The following XPNPEP1 variants were observed in gnomAD, a reference collection of about 807,000 sequenced individuals.
The protein encoded by XPNPEP1 is xaa-Pro aminopeptidase 1.
A neutral mutation model predicts 92.4 loss-of-function variants in XPNPEP1; 39 were observed. That is an observed-to-expected ratio of 0.42 (90% CI 0.33 to 0.55). XPNPEP1 has a LOEUF of 0.55. Ranked by LOEUF, XPNPEP1 falls within the 20% of genes least tolerant of loss-of-function variation. The probability of loss-of-function intolerance (pLI) is 0.08; values close to 1 mark genes in which losing one functional copy is unlikely to be tolerated. For missense variants in XPNPEP1, 654 were observed against 856.1 expected (o/e 0.76, Z 2.95); for synonymous variants, 307 against 299.4 (o/e 1.03, Z -0.26).
chr10:109,876,493 TTAA>T (rs1426385310), intron 14 of XPNPEP1: 1 of 152,224 alleles, frequency 6.6e-6, no homozygotes, highest in East Asian at 1.9e-4. Flanking sequence ...ATGAAACTGT[TTAA>T]TGTTTTAATT....
In XPNPEP1 at chr10:109,891,739, C is replaced by T; in HGVS notation, c.398G>A (p.Trp133Ter). 1 of 1,586,352 alleles carries T rather than the reference C, an allele frequency of 6.3e-7. No homozygotes were observed. The highest frequency in any genetic ancestry group is 8.5e-7 in the Non-Finnish European group (1 of 1,170,752). Residue 133 changes from tryptophan to a stop codon, truncating the protein, a stop_gained, in exon 5 of 21, where the codon TGG (tryptophan) becomes TAG (stop). Coordinates refer to ENST00000502935, the MANE Select transcript of XPNPEP1 (RefSeq NM_020383.4). LOFTEE classifies it high-confidence loss of function. ...LQAAKQMDSN[W>*]TLMKMGLKDT... ...GTACCCACCCATCTTCATAAGTGTC[C>T]AGTTGCTGTCCATTTGCTTGGCAGC... is the stretch of plus-strand genomic sequence containing the variant.
intron 9 of XPNPEP1, 61 bp from the exon 10 acceptor site, chr10:109,882,703 C>T (rs1483690295): frequency 6.5e-7 from 1 of 1,548,300 alleles, no homozygotes; most frequent in Non-Finnish European, 8.9e-7. Context: ...GAGGTGGCAA[C>T]ACAGACACAC....
At chr10:109,908,393 G>C (rs746003352) in intron 2 of XPNPEP1, among the ~76,000 whole-genome samples, 1 of 151,898 alleles carries the variant, frequency 6.6e-6, no homozygotes, top group Admixed American at 6.6e-5. Flanking sequence ...TCACAAGGTC[G>C]GGAGATCGAG....
At chr10:109,876,573 C>T (rs1010674945) in intron 14 of XPNPEP1, 2 of 152,156 alleles carry the variant, frequency 1.3e-5, no homozygotes, top group East Asian at 1.9e-4. Flanking sequence ...AACTGAAGTC[C>T]CTCTGATATT....
intron 2 of XPNPEP1, among the ~76,000 whole-genome samples, chr10:109,909,164 A>G (rs554187442): frequency 8.1e-4 from 124 of 152,168 alleles, no homozygotes; most frequent in Admixed American, 2.6e-3. Flanking sequence ...CCAGCTACTC[A>G]GGAGGCTGAG....
intron 16 of XPNPEP1, 93 bp from the exon 17 acceptor site, chr10:109,871,954 T>A (rs1847508695): frequency 1.6e-6 from 2 of 1,247,370 alleles, no homozygotes; most frequent in South Asian, 1.4e-5. Flanking sequence ...CCTGCTAAAG[T>A]TTTTAGCAAT....
chr10:109,909,350 T>G (rs941753138), intron 2 of XPNPEP1, among the ~76,000 whole-genome samples: 1 of 151,564 alleles, frequency 6.6e-6, no homozygotes, highest in Non-Finnish European at 1.5e-5. Context: ...TCCAGGGGAG[T>G]CTACCATTCA....
intron 12 of XPNPEP1, 50 bp from the exon 13 acceptor site, chr10:109,878,108 C>T: frequency 6.2e-7 from 1 of 1,605,772 alleles, no homozygotes; most frequent in Non-Finnish European, 8.5e-7. Flanking sequence ...TTCATGTGTG[C>T]CTCTTACAAA....
intron 8 of XPNPEP1, chr10:109,884,570 T>G (rs1457788763): frequency 1.3e-5 from 2 of 154,772 alleles, no homozygotes; most frequent in African/African-American, 4.8e-5. Context: ...GTAGAAAAAC[T>G]GAGACCCTCC....
In XPNPEP1 at chr10:109,880,901, T is replaced by TG. The variant is rs780666221; in HGVS notation, c.1071dup (p.Ile358HisfsTer12). 1 of 1,613,964 alleles carries TG rather than the reference T, an allele frequency of 6.2e-7. No individual in the cohort carries two copies. Among genetic ancestry groups the TG allele is most frequent in the East Asian group, 2.2e-5 (1 of 44,874 alleles). ...TTCTTCACAGCTTTGGCGATGCAGA[T>TG]GGGGGTGTAAGGCATACAGCAGCGG... is the stretch of plus-strand genomic sequence containing the variant. On this transcript the variant is annotated frameshift_variant, in exon 11 of 21. Transcript: ENST00000502935. LOFTEE classifies it high-confidence loss of function.
At chr10:109,919,760 G>A (rs574045268) in intron 1 of XPNPEP1, among the ~76,000 whole-genome samples, 3 of 152,152 alleles carry the variant, frequency 2.0e-5, no homozygotes, top group Admixed American at 6.5e-5. Flanking sequence ...CACGCCAGGC[G>A]CGGTAGCTCA....
Position 109,907,776 on chromosome 10 carries a change from C to T in XPNPEP1, c.161G>A (p.Arg54Gln), listed in dbSNP as rs373235364. Residue 54 changes from arginine to glutamine, a missense_variant, in exon 3 of 21, where the codon CGG (arginine) becomes CAG (glutamine). Transcript: ENST00000502935. ...GTTCCTCATGGCTTGTCTCAGCTGCCGAAGCAGCTCTGAAGTCACCTTTGG... is the reference window on the plus strand; with the variant it reads ...GTTCCTCATGGCTTGTCTCAGCTGCTGAAGCAGCTCTGAAGTCACCTTTGG... The part of the protein sequence containing the change: ...MPPKVTSELL[R>Q]QLRQAMRNSE... 1.7e-5 allele frequency: 28 copies of T among 1,614,080 alleles called. No homozygotes were observed. In the African/African-American group the frequency reaches 2.8e-4, roughly 16 times the overall value.
At chr10:109,897,692 C>T (rs987512346) in intron 3 of XPNPEP1, among the ~76,000 whole-genome samples, 2 of 150,592 alleles carry the variant, frequency 1.3e-5, no homozygotes, top group Admixed American at 6.6e-5. Context: ...CTTGCTTTGT[C>T]GCCTGGGCTG....
At chr10:109,873,164 T>C (rs538044045) in intron 16 of XPNPEP1, among the ~76,000 whole-genome samples, 22 of 152,360 alleles carry the variant, frequency 1.4e-4, no homozygotes, top group African/African-American at 4.8e-4. Flanking sequence ...CTTAGCAGAA[T>C]GCTTTAAAAA....
chr10:109,878,852 G>A (rs1406628059), intron 12 of XPNPEP1, among the ~76,000 whole-genome samples: 1 of 151,194 alleles, frequency 6.6e-6, no homozygotes, highest in African/African-American at 2.4e-5. Context: ...TCTCCAGCCT[G>A]TGCAACAGAT....
At chr10:109,892,809 A>G (rs546919328) in intron 4 of XPNPEP1, among the ~76,000 whole-genome samples, 1 of 152,226 alleles carries the variant, frequency 6.6e-6, no homozygotes, top group Non-Finnish European at 1.5e-5. Context: ...GCAAAGATAC[A>G]GAGAGGAATA....
At chr10:109,869,130 C>A (rs1289511714) in intron 19 of XPNPEP1, among the ~76,000 whole-genome samples, 1 of 152,180 alleles carries the variant, frequency 6.6e-6, no homozygotes, top group Non-Finnish European at 1.5e-5. Context: ...CCAGCCAGGC[C>A]CATCAGGCGA....
chr10:109,865,864 T>A (rs1223148636), intron 20 of XPNPEP1, among the ~76,000 whole-genome samples: 1 of 152,128 alleles, frequency 6.6e-6, no homozygotes, highest in African/African-American at 2.4e-5. Context: ...TAAACTTAGT[T>A]TTCAGACTCT....
At position 109,907,926 on chromosome 10, in the gene XPNPEP1, G is replaced by A; in HGVS notation, c.122-111C>T. 6 of 1,486,910 alleles carry A rather than the reference G, an allele frequency of 4.0e-6. No homozygotes were observed. The South Asian group carries it at 5.2e-5, about 13-fold the overall frequency. 92.1% of individuals were successfully genotyped at this position (1,486,910 alleles called of 1,614,324 possible). A position where few individuals can be genotyped will look rare whatever the true frequency, so the allele number is the denominator to read the frequency against. The stretch of plus-strand genomic sequence containing the variant: ...CCTTCTACGTTCTGCCCCACTCCCA[G>A]TTAGGTCTTCAAATTGATCACTCCA... On this transcript the variant is annotated intron_variant, in intron 2 of 20. Coordinates refer to ENST00000502935, the MANE Select transcript of XPNPEP1 (RefSeq NM_020383.4).
Sources: allele counts gnomAD v4.1 joint callset (sites outside exome capture counted in the v4.1 genomes callset), GRCh38; gene constraint gnomAD v4.1.1; transcripts MANE v1.5; gene names NCBI Gene and HGNC (gene_info 2026-07-23, HGNC 2026-07-21).